CACNA2D3: variants seen among roughly 807,000 people sequenced by gnomAD.
The protein encoded by CACNA2D3 is calcium voltage-gated channel auxiliary subunit alpha2delta 3, also known as voltage-dependent calcium channel subunit alpha-2/delta-3.
CACNA2D3 carries 60 observed loss-of-function variants against 160.6 expected under a neutral mutation model. The observed-to-expected ratio is 0.37, with a 90% CI of 0.30 to 0.46. The LOEUF is 0.46. Among genes scored for constraint, CACNA2D3 ranks in the 20% least tolerant of loss-of-function variants. The probability of loss-of-function intolerance (pLI) is 1.00; values close to 1 mark genes in which losing one functional copy is unlikely to be tolerated. For missense variants in CACNA2D3, 1,205 were observed against 1,365.0 expected, an observed-to-expected ratio of 0.88 and a Z score of 1.85; for synonymous variants, 558 against 492.9, an observed-to-expected ratio of 1.13 and a Z score of -1.75.
chr3:54,230,209 G>A (rs951526870), intron 2 of CACNA2D3, among the ~76,000 whole-genome samples: 4 of 151,194 alleles, frequency 2.6e-5, no homozygotes, highest in Non-Finnish European at 5.9e-5. Flanking sequence ...AAGCAGACAT[G>A]AATTTAAAAG....
At chr3:54,816,463 AATGTCTCCAG>A (rs1015807514) in intron 13 of CACNA2D3, among the ~76,000 whole-genome samples, 10 of 152,060 alleles carry the variant, frequency 6.6e-5, no homozygotes, top group African/African-American at 2.4e-4. Context: ...GACAACCCCA[AATGTCTCCAG>A]ATGGCCCTCA....
At chr3:54,450,818 C>T (rs1213394294) in intron 4 of CACNA2D3, among the ~76,000 whole-genome samples, 1 of 152,042 alleles carries the variant, frequency 6.6e-6, no homozygotes, top group Non-Finnish European at 1.5e-5. Context: ...CAAAAGGTCC[C>T]ACATCTCATC....
At chr3:54,364,163 A>G (rs1350566904) in intron 3 of CACNA2D3, among the ~76,000 whole-genome samples, 1 of 152,206 alleles carries the variant, frequency 6.6e-6, no homozygotes, top group East Asian at 1.9e-4. Flanking sequence ...TAGAGGACAC[A>G]TTAATATTCT....
chr3:54,431,114 G>A (rs1699983399), intron 4 of CACNA2D3, among the ~76,000 whole-genome samples: 1 of 151,996 alleles, frequency 6.6e-6, no homozygotes, highest in South Asian at 2.1e-4. Context: ...TGAGGTGGGT[G>A]GATCATGAGG....
intron 35 of CACNA2D3, among the ~76,000 whole-genome samples, chr3:55,068,622 T>C (rs143482083): frequency 6.6e-6 from 1 of 152,322 alleles, no homozygotes; most frequent in East Asian, 1.9e-4. Context: ...ACGTATAGTT[T>C]TACAACATTA....
intron 5 of CACNA2D3, among the ~76,000 whole-genome samples, chr3:54,536,567 C>T (rs780978100): frequency 5.9e-5 from 9 of 152,178 alleles, no homozygotes; most frequent in Non-Finnish European, 8.8e-5. Context: ...ACAGGGTGAC[C>T]GCATGTCCCC....
At chr3:54,554,006 TC>T (rs947800068) in intron 5 of CACNA2D3, among the ~76,000 whole-genome samples, 7 of 152,138 alleles carry the variant, frequency 4.6e-5, no homozygotes, top group Non-Finnish European at 1.0e-4. Flanking sequence ...TGCCACGACC[TC>T]CCCACCTCTC....
intron 3 of CACNA2D3, among the ~76,000 whole-genome samples, chr3:54,322,617 C>T (rs1704028456): frequency 6.6e-6 from 1 of 152,086 alleles, no homozygotes; most frequent in South Asian, 2.1e-4. Context: ...TTATTTAGCT[C>T]AGTGTCTGGC....
chr3:55,051,299 TGTTTGTTA>T (rs1408706236), intron 35 of CACNA2D3, among the ~76,000 whole-genome samples: 1 of 152,196 alleles, frequency 6.6e-6, no homozygotes, highest in Non-Finnish European at 1.5e-5. Flanking sequence ...ATGTCCTTTC[TGTTTGTTA>T]GTTTTCCTTC....
intron 13 of CACNA2D3, among the ~76,000 whole-genome samples, chr3:54,811,192 C>G (rs917889537): frequency 6.6e-6 from 1 of 152,230 alleles, no homozygotes; most frequent in Non-Finnish European, 1.5e-5. Flanking sequence ...ACATCTTGAA[C>G]TTTTCTTAAT....
intron 2 of CACNA2D3, among the ~76,000 whole-genome samples, chr3:54,217,035 A>G (rs895681592): frequency 6.6e-6 from 1 of 152,184 alleles, no homozygotes; most frequent in Non-Finnish European, 1.5e-5. Context: ...TGGGGCGGTG[A>G]GAGGCAGCCT....
intron 2 of CACNA2D3, among the ~76,000 whole-genome samples, chr3:54,303,920 C>CT (rs1309343340): frequency 1.3e-5 from 2 of 149,414 alleles, no homozygotes; most frequent in African/African-American, 4.9e-5. Flanking sequence ...AGGGGCCACT[C>CT]TTTGAGATGC....
intron 35 of CACNA2D3, among the ~76,000 whole-genome samples, chr3:55,053,440 T>C (rs1704279589): frequency 6.6e-6 from 1 of 152,032 alleles, no homozygotes. Flanking sequence ...TTCTAACCAA[T>C]GCTCATACTC....
intron 31 of CACNA2D3, among the ~76,000 whole-genome samples, chr3:55,002,879 G>A (rs189368596): frequency 7.9e-5 from 12 of 152,264 alleles, no homozygotes; most frequent in Admixed American, 4.6e-4. Flanking sequence ...GGTAATGTCC[G>A]TAAGTTACTG....
chr3:54,764,934 G>C (rs1702190427), intron 13 of CACNA2D3, among the ~76,000 whole-genome samples: 1 of 152,204 alleles, frequency 6.6e-6, no homozygotes, highest in Non-Finnish European at 1.5e-5. Flanking sequence ...AGCTGAAAAG[G>C]AGGAGCTTTG....
intron 9 of CACNA2D3, among the ~76,000 whole-genome samples, chr3:54,604,302 T>A (rs1703118679): frequency 6.6e-6 from 1 of 152,116 alleles, no homozygotes; most frequent in Non-Finnish European, 1.5e-5. Context: ...GAGATACAAG[T>A]TCAGGTGGAA....
At chr3:54,521,435 A>G (rs1701644821) in intron 5 of CACNA2D3, among the ~76,000 whole-genome samples, 1 of 100,562 alleles carries the variant, frequency 9.9e-6, no homozygotes. Flanking sequence ...TATGTATTCC[A>G]GATACAAGTC....
intron 4 of CACNA2D3, among the ~76,000 whole-genome samples, chr3:54,450,512 T>A (rs552292720): frequency 2.2e-4 from 33 of 152,192 alleles, no homozygotes; most frequent in Non-Finnish European, 3.8e-4. Context: ...GTTGGGGCCA[T>A]AGGAGAGGAT....
chr3:54,378,794 T>C (rs925762952), intron 3 of CACNA2D3, among the ~76,000 whole-genome samples: 27 of 152,346 alleles, frequency 1.8e-4, no homozygotes, highest in African/African-American at 6.3e-4. Context: ...CCTTGGTCCT[T>C]GGGCAGCCCT....
Sources: allele counts gnomAD v4.1 joint callset (sites outside exome capture counted in the v4.1 genomes callset), GRCh38; gene constraint gnomAD v4.1.1; transcripts MANE v1.5; gene names NCBI Gene and HGNC (gene_info 2026-07-23, HGNC 2026-07-21).